Variants in SLC22A14 observed in about 807,000 individuals in gnomAD.
SLC22A14 encodes solute carrier family 22 member 14.
SLC22A14 carries 50 observed loss-of-function variants against 53.9 expected under a neutral mutation model. That is an observed-to-expected ratio of 0.93 (90% CI 0.74 to 1.17). SLC22A14 has a LOEUF of 1.17. Among genes scored for constraint, SLC22A14 ranks in the 50% most tolerant of loss-of-function variants. SLC22A14 has a pLI of 0.00. For synonymous variants in SLC22A14, 312 were observed against 303.0 expected, an observed-to-expected ratio of 1.03 and a Z score of -0.31; for missense variants, 671 against 734.7, an observed-to-expected ratio of 0.91 and a Z score of 1.00.
intron 1 of SLC22A14, among the ~76,000 whole-genome samples, chr3:38,303,462 A>T (rs1704216746): frequency 2.0e-5 from 3 of 151,278 alleles, no homozygotes. Flanking sequence ...ATATTTTTAA[A>T]CTCCCACCAT....
At chr3:38,310,079 G>A (rs818814) in intron 5 of SLC22A14, among the ~76,000 whole-genome samples, 129,915 of 152,184 alleles carry the variant, frequency 0.85, 55,539 homozygotes, top group Non-Finnish European at 0.88. Flanking sequence ...GATAAAAGAT[G>A]GGGTTAACAG....
intron 1 of SLC22A14, among the ~76,000 whole-genome samples, chr3:38,299,601 CG>C (rs1704116035): frequency 2.6e-5 from 4 of 152,240 alleles, no homozygotes; most frequent in Non-Finnish European, 5.9e-5. Context: ...CTCACCCTAT[CG>C]CCTAGGCTGG....
chr3:38,313,263 C>A, intron 6 of SLC22A14, 125 bp from the exon 7 acceptor site: 1 of 1,430,990 alleles, frequency 7.0e-7, no homozygotes, highest in Non-Finnish European at 9.8e-7. Context: ...AAAATTGAAC[C>A]CTGCCAGGGA....
intron 9 of SLC22A14, 91 bp downstream of exon 9, chr3:38,315,802 C>A: frequency 1.5e-6 from 2 of 1,330,168 alleles, no homozygotes; most frequent in South Asian, 1.3e-5. Flanking sequence ...AAGCATTCAC[C>A]TGGTGACAAG....
chr3:38,298,046 C>A (rs185834352), intron 1 of SLC22A14, among the ~76,000 whole-genome samples: 1 of 152,148 alleles, frequency 6.6e-6, no homozygotes, highest in Non-Finnish European at 1.5e-5. Flanking sequence ...TTTGATACTA[C>A]TTATTTATTC....
intron 1 of SLC22A14, among the ~76,000 whole-genome samples, chr3:38,293,795 G>C (rs1019971272): frequency 6.6e-6 from 1 of 152,206 alleles, no homozygotes; most frequent in Non-Finnish European, 1.5e-5. Context: ...CTGGCCTGTG[G>C]GGAATTGTTC....
Position 38,307,714 on chromosome 3 carries a change from T to A in SLC22A14, c.769T>A (p.Ser257Thr), listed in dbSNP as rs764091114. ...SVVGYAISSI[S>T]LATEWLVGEH... ...GGTGGGCTACGCCATCAGCAGCATT[T>A]CTTTGGGTGAGACTGGGCCTCAATG... The change falls in exon 4 of 11, where the codon TCT (serine) becomes ACT (threonine). Residue 257 changes from serine (S) to threonine (T), a missense_variant. Coordinates refer to ENST00000448498, the MANE Select transcript of SLC22A14 (RefSeq NM_001320033.2). The surrounding 1 kb of genome is among the most constrained non-coding windows in gnomAD (Gnocchi z 4.4). 3 of 1,614,012 alleles carry A rather than the reference T, an allele frequency of 1.9e-6. No homozygotes were observed. The highest frequency in any genetic ancestry group is 2.2e-5 in the South Asian group (2 of 91,078).
chr3:38,318,098 TG>T, intron 10 of SLC22A14, 99 bp from the exon 11 acceptor site: 1 of 1,090,666 alleles, frequency 9.2e-7, no homozygotes, highest in Non-Finnish European at 1.4e-6. Context: ...CCTCACCTCT[TG>T]GGAACGCAGG....
At chr3:38,309,973 A>G (rs1220519947) in intron 5 of SLC22A14, among the ~76,000 whole-genome samples, 1 of 152,190 alleles carries the variant, frequency 6.6e-6, no homozygotes, top group Non-Finnish European at 1.5e-5. Context: ...TAACTTGTCT[A>G]ACAGCACACA....
At chr3:38,311,219 C>A (rs1704459700) in intron 5 of SLC22A14, among the ~76,000 whole-genome samples, 1 of 152,192 alleles carries the variant, frequency 6.6e-6, no homozygotes, top group African/African-American at 2.4e-5. Context: ...TAGCAGTGAG[C>A]ACCAATGTAC....
At chr3:38,313,685 T>TGTGTGTGTCTGTGCGCGCGC in intron 7 of SLC22A14, 42 bp from the exon 8 acceptor site, 1 of 802,094 alleles carries the variant, frequency 1.2e-6, no homozygotes, top group African/African-American at 1.7e-5. Context: ...TCCGTGTGTG[T>TGTGTGTGTCTGTGCGCGCGC]GCGCGCGTGT....
In SLC22A14 at chr3:38,309,197, G is replaced by A. The variant is rs1411845823; in HGVS notation, c.944+75G>A. ...ATGTCGATGAGTATGGAGGGTCCTT[G>A]AAGCTGTGGGAATGGGTGGGATTTC... is the stretch of plus-strand genomic sequence containing the variant. On this transcript the variant is annotated intron_variant, in intron 5 of 10. Coordinates refer to ENST00000448498, the MANE Select transcript of SLC22A14 (RefSeq NM_001320033.2). The A allele has an allele frequency of 1.4e-5, 18 of 1,291,848 alleles. No individual in the cohort carries two copies. The Middle Eastern group carries it at 7.5e-4, about 53-fold the overall frequency. 80.0% of individuals were successfully genotyped at this position (1,291,848 alleles called of 1,614,324 possible).
At chr3:38,281,714 C>T (rs190326984), upstream of SLC22A14, among the ~76,000 whole-genome samples, 1 of 152,302 alleles carries the variant, frequency 6.6e-6, no homozygotes, top group East Asian at 1.9e-4. Flanking sequence ...TTGGAGAGGA[C>T]AAATATTAAG....
intron 4 of SLC22A14, among the ~76,000 whole-genome samples, chr3:38,308,620 C>T (rs1160693247): frequency 6.6e-6 from 1 of 152,250 alleles, no homozygotes; most frequent in African/African-American, 2.4e-5. Flanking sequence ...ACAATGATTC[C>T]TTGCCTGACC....
chr3:38,306,345 G>C lies in SLC22A14; in HGVS notation c.319G>C (p.Gly107Arg), dbSNP rs145815885. 404 of 1,614,118 alleles carry C rather than the reference G, an allele frequency of 2.5e-4. 5 individuals are homozygous for C. In the South Asian group the frequency reaches 3.3e-3, roughly 13 times the overall value. The change falls in exon 2 of 11, where the codon GGC (glycine) becomes CGC (arginine). Residue 107 changes from glycine to arginine, a missense_variant. By Grantham distance (125) the Gly-to-Arg change is moderately radical. Transcript: ENST00000448498. Reference sequence around the variant, plus strand: ...CAATACCAGCTGGATCCTGGCAGTGGGCCCCCACCTGTCCAAAGCTGAGCA... The same window carrying C: ...CAATACCAGCTGGATCCTGGCAGTGCGCCCCCACCTGTCCAAAGCTGAGCA... ...YCNTSWILAV[G>R]PHLSKAEQLN... is the part of the protein sequence containing the mutation.
rs148000898 is a variant in SLC22A14, at chr3:38,307,680, G to A, written c.735G>A (p.Ser245=). 30 of 1,614,072 alleles carry A rather than the reference G, an allele frequency of 1.9e-5. No homozygotes were observed. Among genetic ancestry groups the A allele is most frequent in the Middle Eastern group, 1.6e-4 (1 of 6,082 alleles). The part of the protein sequence containing the change: ...HLYLFFRFGI[S]QSVVGYAISS... ...ATTTGTTCTTTCGCTTTGGCATCTC[G>A]CAGTCAGTGGTGGGCTACGCCATCA... Residue 245 remains serine, a synonymous_variant, in exon 4 of 11, where the codon TCG becomes TCA. Coordinates refer to ENST00000448498, the MANE Select transcript of SLC22A14 (RefSeq NM_001320033.2). The surrounding 1 kb of genome is among the most constrained non-coding windows in gnomAD (Gnocchi z 4.4).
chr3:38,287,247 T>G (rs2125870583), intron 1 of SLC22A14, among the ~76,000 whole-genome samples: 1 of 152,326 alleles, frequency 6.6e-6, no homozygotes, highest in African/African-American at 2.4e-5. Context: ...TATATTGTAT[T>G]TCACTGTATA....
Position 38,315,666 on chromosome 3 carries a change from C to A in SLC22A14, c.1487C>A (p.Thr496Asn). Residue 496 changes from threonine (T) to asparagine (N), a missense_variant, in exon 9 of 11, where the codon ACT becomes AAT. Transcript: ENST00000448498. ...LREFSLAATV[T>N]VFFLYTAELL... is the part of the protein sequence containing the mutation. ...GAGTTCAGCCTGGCCGCCACTGTCACTGTGTTCTTCCTCTACACCGCTGAG... is the reference window on the plus strand; with the variant it reads ...GAGTTCAGCCTGGCCGCCACTGTCAATGTGTTCTTCCTCTACACCGCTGAG... 1 of 1,614,096 alleles carries A rather than the reference C, an allele frequency of 6.2e-7. No homozygotes were observed. Among genetic ancestry groups the A allele is most frequent in the Non-Finnish European group, 8.5e-7 (1 of 1,180,026 alleles).
rs771581884 is a variant in SLC22A14, at chr3:38,316,407, T to A, written c.1616T>A (p.Leu539His). ...ACAATCATCAGCCAGACCCCCTCCC[T>A]CCTGCCCATCTTTCTCTGCTGCGTC... Reference protein sequence around the residue: ...SLTIISQTPSLLPIFLCCVLA... With the variant: ...SLTIISQTPSHLPIFLCCVLA... The change falls in exon 10 of 11, where the codon CTC (leucine) becomes CAC (histidine). Residue 539 changes from leucine to histidine, a missense_variant. By Grantham distance (99) the Leu-to-His change is moderately conservative. Transcript: ENST00000448498. 1.2e-6 allele frequency: 2 copies of A among 1,614,096 alleles called. No individual in the cohort carries two copies. Among genetic ancestry groups the A allele is most frequent in the Non-Finnish European group, 1.7e-6 (2 of 1,179,994 alleles).
Sources: allele counts gnomAD v4.1 joint callset (sites outside exome capture counted in the v4.1 genomes callset), GRCh38; gene constraint gnomAD v4.1.1; non-coding constraint Gnocchi (gnomAD v3.1); transcripts MANE v1.5; gene names NCBI Gene and HGNC (gene_info 2026-07-23, HGNC 2026-07-21).